The following RPS21 variants were observed in gnomAD, a reference collection of about 807,000 sequenced individuals.
RPS21 encodes the protein small ribosomal subunit protein eS21.
Under a neutral mutation model 14.5 loss-of-function variants are expected in RPS21, and 6 were observed. The ratio of observed to expected loss-of-function variants is 0.41; its 90% CI spans 0.23 to 0.82. RPS21 has a LOEUF of 0.82. Ranked by LOEUF, RPS21 falls within the 40% of genes least tolerant of loss-of-function variation. The pLI, the probability that RPS21 is intolerant of heterozygous loss-of-function variation, is 0.31. For missense variants in RPS21, 85 were observed against 115.0 expected, an observed-to-expected ratio of 0.74 and a Z score of 1.19; for synonymous variants, 61 against 42.6, an observed-to-expected ratio of 1.43 and a Z score of -1.69.
In RPS21 at chr20:62,388,422, G is replaced by A. The variant is rs1019925626; in HGVS notation, c.243-35G>A. 2.2e-5 allele frequency: 35 copies of A among 1,613,596 alleles called. 1 individual carries two copies. In the East Asian group the frequency reaches 4.7e-4, roughly 22 times the overall value. The stretch of plus-strand genomic sequence containing the variant: ...AGTGGACTAGGACTGCTCCAGAGGC[G>A]TGGTCTTAACGTTGTCCTTTTCCCC... On this transcript the variant is annotated intron_variant, in intron 5 of 5. Transcript: ENST00000343986.
intron 4 of RPS21, 180 bp from the exon 5 acceptor site, chr20:62,388,129 C>CA: frequency 3.3e-6 from 5 of 1,499,792 alleles, no homozygotes; most frequent in Non-Finnish European, 4.5e-6. Context: ...GAGGTGCCCC[C>CA]CCGACCCCGC....
In RPS21 at chr20:62,388,347, C is replaced by T. The variant is rs112786017; in HGVS notation, c.225C>T (p.Ala75=). 358 of 1,602,698 alleles carry T rather than the reference C, an allele frequency of 2.2e-4. 3 individuals are homozygous for T. The highest frequency in any genetic ancestry group is 2.2e-3 in the African/African-American group (165 of 73,962). The change falls in exon 5 of 6, where the codon GCC becomes GCT. Residue 75 remains alanine (A), a synonymous_variant. Coordinates refer to ENST00000343986, the MANE Select transcript of RPS21 (RefSeq NM_001024.4). ...ATTCCATTCTCCGATTGGCCAAGGC[C>T]GATGGCATCGTCTCAAAGTAAGGTT... The part of the protein sequence containing the change: ...SDDSILRLAK[A]DGIVSKNF
chr20:62,387,478 T>C (rs916291220), intron 2 of RPS21, 90 bp downstream of exon 2: 8 of 1,589,786 alleles, frequency 5.0e-6, no homozygotes, highest in African/African-American at 1.3e-5. Flanking sequence ...CTCCCGTCCT[T>C]ACCTCGTCAC....
chr20:62,387,365 G>A lies in RPS21; in HGVS notation c.27G>A (p.Val9=), dbSNP rs750871970. The part of the protein sequence containing the change: MQNDAGEF[V]DLYVPRKCSA... ...TGCAGAACGACGCCGGCGAGTTCGTGGACCTGTACGTGCCGCGGAAATGGT... is the reference window on the plus strand; with the variant it reads ...TGCAGAACGACGCCGGCGAGTTCGTAGACCTGTACGTGCCGCGGAAATGGT... Residue 9 remains valine, a synonymous_variant, in exon 2 of 6, where the codon GTG becomes GTA. Coordinates refer to ENST00000343986, the MANE Select transcript of RPS21 (RefSeq NM_001024.4). 6 of 1,607,564 alleles carry A rather than the reference G, an allele frequency of 3.7e-6. No homozygotes were observed. The African/African-American group carries it at 8.0e-5, about 22-fold the overall frequency.
At chr20:62,387,953 A>G in intron 4 of RPS21, 39 bp downstream of exon 4, 1 of 1,614,200 alleles carries the variant, frequency 6.2e-7, no homozygotes, top group Non-Finnish European at 8.5e-7. Flanking sequence ...ACTTCGGGAC[A>G]TCGTGGACTT....
intron 4 of RPS21, 169 bp from the exon 5 acceptor site, chr20:62,388,135 CCCGCT>C: frequency 6.7e-7 from 1 of 1,487,132 alleles, no homozygotes; most frequent in Non-Finnish European, 9.0e-7. Flanking sequence ...CCCCCCCGAC[CCCGCT>C]CCACCATAGT....
In RPS21 at chr20:62,387,649, C is replaced by T. The variant is rs1313106817; in HGVS notation, c.89C>T (p.Ala30Val). The part of the protein sequence containing the change: ...SNRIIGAKDH[A>V]SIQMNVAEVD... ...CGCATCATCGGTGCCAAGGACCACG[C>T]ATCCATCCAGATGAACGTGGCCGAG... Residue 30 changes from alanine (A) to valine (V), a missense_variant, in exon 3 of 6, where the codon GCA (alanine) becomes GTA (valine). By Grantham distance (64) the Ala-to-Val change is moderately conservative. Coordinates refer to ENST00000343986, the MANE Select transcript of RPS21 (RefSeq NM_001024.4). 1.2e-6 allele frequency: 2 copies of T among 1,614,064 alleles called. No homozygotes were observed. The highest frequency in any genetic ancestry group is 3.3e-5 in the Admixed American group (2 of 60,028).
intron 2 of RPS21, 34 bp downstream of exon 2, chr20:62,387,422 T>TA: frequency 6.2e-7 from 1 of 1,607,470 alleles, no homozygotes; most frequent in Non-Finnish European, 8.5e-7. Flanking sequence ...CTTCCGTCCT[T>TA]ACCTAACCAC....
chr20:62,388,381 A>C lies in RPS21; in HGVS notation c.242+17A>C, dbSNP rs746006709. The C allele has an allele frequency of 3.7e-6, 6 of 1,608,000 alleles. No homozygotes were observed. The South Asian group carries it at 6.7e-5, about 18-fold the overall frequency. ...CGTCTCAAAGTAAGGTTGGGGGCTC[A>C]CATTTGGGCAGAGTGAGTGGACTAG... On this transcript the variant is annotated intron_variant, in intron 5 of 5. Transcript: ENST00000343986.
chr20:62,388,398 G>C, intron 5 of RPS21, 34 bp downstream of exon 5: 2 of 1,610,344 alleles, frequency 1.2e-6, no homozygotes, highest in Non-Finnish European at 1.7e-6. Flanking sequence ...GGCAGAGTGA[G>C]TGGACTAGGA....
At chr20:62,387,170 C>G (rs538791833) in intron 1 of RPS21, 34 bp downstream of exon 1, 2 of 557,654 alleles carry the variant, frequency 3.6e-6, no homozygotes, top group Non-Finnish European at 6.1e-6. Flanking sequence ...GGGCTCAGGG[C>G]TGGGGCTGGG....
intron 3 of RPS21, 35 bp downstream of exon 3, chr20:62,387,709 A>C (rs776195013): frequency 6.2e-7 from 1 of 1,613,902 alleles, no homozygotes; most frequent in Non-Finnish European, 8.5e-7. Flanking sequence ...GAAGGTTGTG[A>C]TATATGTGCG....
chr20:62,387,598 C>T lies in RPS21; in HGVS notation c.51-13C>T, dbSNP rs548326658. 14 of 1,609,212 alleles carry T rather than the reference C, an allele frequency of 8.7e-6. No homozygotes were observed. In the African/African-American group the frequency reaches 1.6e-4, roughly 18 times the overall value. On this transcript the variant is annotated splice_polypyrimidine_tract_variant and intron_variant, in intron 2 of 5. Coordinates refer to ENST00000343986, the MANE Select transcript of RPS21 (RefSeq NM_001024.4). ...CCCAAGTCCCCTCTGCTCACTGCGC[C>T]CTTTCTCCACAGCTCCGCTAGCAAT...
intron 4 of RPS21, 168 bp downstream of exon 4, chr20:62,388,082 A>G (rs2146414146): frequency 6.5e-7 from 1 of 1,545,492 alleles, no homozygotes; most frequent in African/African-American, 1.4e-5. Flanking sequence ...GGGTGCTCTG[A>G]GAAGACACTC....
rs558150366 is a variant in RPS21 at position 62,387,614 on chromosome 20, C to T, written c.54C>T (p.Ser18=). Residue 18 remains serine, a synonymous_variant, in exon 3 of 6, where the codon TCC becomes TCT. Transcript: ENST00000343986. ...TCACTGCGCCCTTTCTCCACAGCTC[C>T]GCTAGCAATCGCATCATCGGTGCCA... ...FVDLYVPRKC[S]ASNRIIGAKD... 4 of 1,612,326 alleles carry T rather than the reference C, an allele frequency of 2.5e-6. No individual in the cohort carries two copies. The highest frequency in any genetic ancestry group is 2.2e-5 in the East Asian group (1 of 44,852).
At chr20:62,388,205 C>A in intron 4 of RPS21, 104 bp from the exon 5 acceptor site, 1 of 1,461,022 alleles carries the variant, frequency 6.8e-7, no homozygotes, top group Non-Finnish European at 9.2e-7. Flanking sequence ...TGTCTCCATT[C>A]GCTCAGCGGG....
chr20:62,387,931 GC>G lies in RPS21; in HGVS notation c.186+18del, dbSNP rs1569012362. 6.2e-7 allele frequency: 1 copy of G among 1,614,216 alleles called. No homozygotes were observed. The highest frequency in any genetic ancestry group is 8.5e-7 in the Non-Finnish European group (1 of 1,180,038). On this transcript the variant is annotated intron_variant, in intron 4 of 5. Coordinates refer to ENST00000343986, the MANE Select transcript of RPS21 (RefSeq NM_001024.4). ...CGTAGGATGGTGAGTGTTTCCCTGGGCTTTGCTCATCACTTCGGGACATCGT... is the reference window on the plus strand; with the variant it reads ...CGTAGGATGGTGAGTGTTTCCCTGGGTTTGCTCATCACTTCGGGACATCGT...
intron 3 of RPS21, 62 bp from the exon 4 acceptor site, chr20:62,387,781 C>G (rs911220986): frequency 6.2e-7 from 1 of 1,613,604 alleles, no homozygotes. Context: ...CAGAGGCTGG[C>G]TTTGAGGATT....
In RPS21 at chr20:62,387,120, C is replaced by CGGTGTGGTGGCAGCA. The variant is rs1381753365; in HGVS notation, c.-27_-19+6dup. ...AGCTGCTTCCTTTCTCTCTCGCGCG[C>CGGTGTGGTGGCAGCA]GGTGTGGTGGCAGCAGGTGTGGCGC... On this transcript the variant is annotated 5_prime_UTR_variant, in exon 1 of 6. Coordinates refer to ENST00000343986, the MANE Select transcript of RPS21 (RefSeq NM_001024.4). 1 of 471,604 alleles carries CGGTGTGGTGGCAGCA rather than the reference C, an allele frequency of 2.1e-6. No homozygotes were observed. Among genetic ancestry groups the CGGTGTGGTGGCAGCA allele is most frequent in the East Asian group, 3.6e-5 (1 of 27,674 alleles). 29.2% of individuals were successfully genotyped at this position (471,604 alleles called of 1,614,324 possible). A position where few individuals can be genotyped will look rare whatever the true frequency, so the allele number is the denominator to read the frequency against.
Sources: allele counts gnomAD v4.1 joint callset, GRCh38; gene constraint gnomAD v4.1.1; transcripts MANE v1.5; gene names NCBI Gene and HGNC (gene_info 2026-07-23, HGNC 2026-07-21).